GRID1: variants seen among roughly 807,000 people sequenced by gnomAD.
GRID1 encodes glutamate ionotropic receptor delta type subunit 1.
In GRID1, 28 loss-of-function variants were observed where a neutral mutation model predicts 98.0. The observed-to-expected ratio is 0.29, with a 90% CI of 0.21 to 0.39. The LOEUF (loss-of-function observed/expected upper bound fraction) is 0.39, where lower values mean the gene tolerates loss of function less well. GRID1 is among the 10% of genes least tolerant of loss of function. GRID1 has a pLI of 1.00. For synonymous variants in GRID1, 553 were observed against 538.5 expected, an observed-to-expected ratio of 1.03 and a Z score of -0.37; for missense variants, 1,111 against 1,340.5, an observed-to-expected ratio of 0.83 and a Z score of 2.67.
At chr10:86,267,826 C>T (rs947751302) in intron 2 of GRID1, among the ~76,000 whole-genome samples, 1 of 152,240 alleles carries the variant, frequency 6.6e-6, no homozygotes, top group African/African-American at 2.4e-5. Flanking sequence ...CTGCACCCAG[C>T]ACTGTGCTCT....
chr10:85,826,585 C>T (rs1842822530), intron 8 of GRID1, among the ~76,000 whole-genome samples: 2 of 152,232 alleles, frequency 1.3e-5, no homozygotes, highest in African/African-American at 4.8e-5. Flanking sequence ...CCCACACTTG[C>T]CAACACATGC....
intron 8 of GRID1, among the ~76,000 whole-genome samples, chr10:85,833,138 A>G (rs1171010653): frequency 6.6e-6 from 1 of 152,166 alleles, no homozygotes; most frequent in African/African-American, 2.4e-5. Context: ...TATAGGCTGG[A>G]ATCTTTTCTC....
intron 5 of GRID1, among the ~76,000 whole-genome samples, chr10:85,889,825 G>A (rs1001573350): frequency 6.6e-5 from 10 of 152,072 alleles, no homozygotes; most frequent in Non-Finnish European, 1.3e-4. Flanking sequence ...CCTTTTCTCC[G>A]CATCCTCATC....
chr10:86,150,454 CCT>C (rs1477597903), intron 3 of GRID1, among the ~76,000 whole-genome samples: 2 of 152,206 alleles, frequency 1.3e-5, no homozygotes, highest in Admixed American at 1.3e-4. Context: ...TTTCTGGATT[CCT>C]CTTTCATTTA....
Position 86,134,267 on chromosome 10 carries a change from T to C in GRID1, c.726+4552A>G, listed in dbSNP as rs1014232491. Reference sequence around the variant, plus strand: ...CCTCTGAATTCCATGCCCCTCAGCATTTGATAGGGTTCCTCATCCATAGGA... The same window carrying C: ...CCTCTGAATTCCATGCCCCTCAGCACTTGATAGGGTTCCTCATCCATAGGA... On this transcript the variant is annotated intron_variant, in intron 4 of 15. Transcript: ENST00000327946. Among the ~76,000 whole-genome samples, 4 of 152,196 alleles carry C rather than the reference T, an allele frequency of 2.6e-5. No homozygotes were observed. In the South Asian group the frequency reaches 8.3e-4, roughly 31 times the overall value.
At chr10:86,331,820 G>A (rs768051324) in intron 2 of GRID1, among the ~76,000 whole-genome samples, 20 of 152,174 alleles carry the variant, frequency 1.3e-4, no homozygotes, top group East Asian at 3.8e-4. Context: ...CAGAACAAGC[G>A]CTCAGTAAAA....
chr10:86,083,183 C>T (rs1158912655), intron 4 of GRID1, among the ~76,000 whole-genome samples: 1 of 152,172 alleles, frequency 6.6e-6, no homozygotes, highest in East Asian at 1.9e-4. Flanking sequence ...TTTTCTTCTC[C>T]CCTTGAACAT....
chr10:85,684,197 TTTAA>T (rs1174745044), intron 12 of GRID1, among the ~76,000 whole-genome samples: 1 of 152,220 alleles, frequency 6.6e-6, no homozygotes, highest in Admixed American at 6.5e-5. Flanking sequence ...TATTTTGGCA[TTTAA>T]TTGTTACCAC....
chr10:86,136,688 G>A (rs184315710), intron 4 of GRID1, among the ~76,000 whole-genome samples: 5 of 152,250 alleles, frequency 3.3e-5, no homozygotes, highest in Admixed American at 1.3e-4. Context: ...TCTTATCATC[G>A]GCGGAGACTG....
intron 2 of GRID1, among the ~76,000 whole-genome samples, chr10:86,253,451 A>G (rs1469348865): frequency 1.3e-5 from 2 of 152,214 alleles, no homozygotes; most frequent in Non-Finnish European, 2.9e-5. Context: ...TCCTGGGGCC[A>G]TCGTTCTGTG....
intron 12 of GRID1, among the ~76,000 whole-genome samples, chr10:85,680,818 T>C (rs143450535): frequency 1.3e-5 from 2 of 152,244 alleles, no homozygotes; most frequent in East Asian, 1.9e-4. Context: ...TAAAAAATAA[T>C]AAAATCACTT....
chr10:85,904,247 T>A (rs924687264), intron 5 of GRID1, among the ~76,000 whole-genome samples: 1 of 152,074 alleles, frequency 6.6e-6, no homozygotes, highest in Non-Finnish European at 1.5e-5. Context: ...GAAAAACCTA[T>A]GAAAAAATAG....
chr10:86,126,600 A>G (rs902416468), intron 4 of GRID1, among the ~76,000 whole-genome samples: 1 of 152,258 alleles, frequency 6.6e-6, no homozygotes, highest in African/African-American at 2.4e-5. Flanking sequence ...GCTTAAGTTG[A>G]CAGTATATAT....
chr10:85,748,821 C>A (rs1401259928), intron 8 of GRID1, among the ~76,000 whole-genome samples: 2 of 152,142 alleles, frequency 1.3e-5, no homozygotes, highest in Admixed American at 6.6e-5. Flanking sequence ...TTCAAATATA[C>A]AACCTTCCAT....
intron 2 of GRID1, among the ~76,000 whole-genome samples, chr10:86,302,406 T>C (rs1457281727): frequency 1.3e-5 from 2 of 152,190 alleles, no homozygotes; most frequent in African/African-American, 4.8e-5. Flanking sequence ...TCCTTGGGAA[T>C]TTGATGCAAC....
chr10:86,300,189 G>T (rs931476664), intron 2 of GRID1, among the ~76,000 whole-genome samples: 2 of 151,858 alleles, frequency 1.3e-5, no homozygotes, highest in Admixed American at 6.6e-5. Context: ...GAAAGCTACG[G>T]CACACCAGAA....
chr10:85,698,402 T>C (rs1027828743), intron 12 of GRID1, among the ~76,000 whole-genome samples: 4 of 152,232 alleles, frequency 2.6e-5, no homozygotes, highest in Admixed American at 6.5e-5. Flanking sequence ...ACAGGTGTTA[T>C]TAAAAATCCA....
chr10:86,156,276 G>A (rs546408578), intron 3 of GRID1, among the ~76,000 whole-genome samples: 1 of 152,276 alleles, frequency 6.6e-6, no homozygotes, highest in East Asian at 1.9e-4. Flanking sequence ...GCTCCAATCC[G>A]ATTTTATAGC....
chr10:85,671,264 A>G lies in GRID1; in HGVS notation c.1998-23867T>C, dbSNP rs1841081798. ...TTATTGTGTTTCTTACAAATTGAAG[A>G]CCTGTGGCAAACCTGTGTCAAGCAA... is the stretch of plus-strand genomic sequence containing the variant. On this transcript the variant is annotated intron_variant, in intron 12 of 15. Coordinates refer to ENST00000327946, the MANE Select transcript of GRID1 (RefSeq NM_017551.3). 2.0e-5 allele frequency among the ~76,000 whole-genome samples: 3 copies of G among 152,280 alleles called. No homozygotes were observed. The South Asian group carries it at 6.2e-4, about 32-fold the overall frequency.
Sources: gnomAD v4.1 joint callset for allele counts (sites outside exome capture counted in the v4.1 genomes callset) on GRCh38, gnomAD v4.1.1 for gene constraint, MANE v1.5 for transcripts, NCBI Gene and HGNC (gene_info 2026-07-23, HGNC 2026-07-21) for gene names.